The following GSK3B variants were observed in gnomAD, a reference collection of about 807,000 sequenced individuals.
The protein encoded by GSK3B is glycogen synthase kinase-3 beta.
In GSK3B, 15 loss-of-function variants were observed where a neutral mutation model predicts 56.4. The ratio of observed to expected loss-of-function variants is 0.27; its 90% CI spans 0.18 to 0.41. The LOEUF (loss-of-function observed/expected upper bound fraction) is 0.41, where lower values mean the gene tolerates loss of function less well. Ranked by LOEUF, GSK3B falls within the 10% of genes least tolerant of loss-of-function variation. The probability of loss-of-function intolerance (pLI) is 1.00; values close to 1 mark genes in which losing one functional copy is unlikely to be tolerated. For synonymous variants in GSK3B, 181 were observed against 188.9 expected, an observed-to-expected ratio of 0.96 and a Z score of 0.34; for missense variants, 300 against 513.4, an observed-to-expected ratio of 0.58 and a Z score of 4.02.
At chr3:119,882,341 G>T (rs562912458) in intron 7 of GSK3B, among the ~76,000 whole-genome samples, 10 of 152,088 alleles carry the variant, frequency 6.6e-5, no homozygotes, top group Admixed American at 5.2e-4. Context: ...TAAATTCACT[G>T]TCTCACAGCC....
intron 1 of GSK3B, among the ~76,000 whole-genome samples, chr3:120,076,544 G>A (rs535455647): frequency 3.9e-5 from 6 of 152,176 alleles, no homozygotes; most frequent in Admixed American, 1.3e-4. Flanking sequence ...GGCTGGGCGC[G>A]GTGGCTCACG....
chr3:120,062,386 G>A (rs933188825), intron 1 of GSK3B, among the ~76,000 whole-genome samples: 4 of 152,056 alleles, frequency 2.6e-5, no homozygotes, highest in African/African-American at 9.7e-5. Context: ...TCTGAACTTA[G>A]TATCTCCCAC....
At chr3:119,984,195 A>T (rs1484886084) in intron 2 of GSK3B, among the ~76,000 whole-genome samples, 1 of 152,216 alleles carries the variant, frequency 6.6e-6, no homozygotes, top group African/African-American at 2.4e-5. Context: ...TCTCTGGAAC[A>T]CATTTAAAGC....
intron 8 of GSK3B, among the ~76,000 whole-genome samples, chr3:119,874,288 C>G (rs1045479606): frequency 6.6e-6 from 1 of 151,936 alleles, no homozygotes; most frequent in Admixed American, 6.6e-5. Flanking sequence ...AGTACTAAAC[C>G]CTACATATAC....
chr3:119,995,362 G>A (rs770514508), intron 2 of GSK3B, among the ~76,000 whole-genome samples: 51 of 151,132 alleles, frequency 3.4e-4, no homozygotes, highest in Non-Finnish European at 6.6e-4. Flanking sequence ...ATATAGAGAG[G>A]AAGAAACTGC....
At chr3:120,093,162 G>A (rs868019761) in intron 1 of GSK3B, among the ~76,000 whole-genome samples, 185 bp downstream of exon 1, 48 of 152,206 alleles carry the variant, frequency 3.2e-4, no homozygotes, top group African/African-American at 1.1e-3. Context: ...CAAGGTTAAT[G>A]AGACCGGGGG....
chr3:119,863,686 T>C, intron 8 of GSK3B, 81 bp from the exon 9 acceptor site: 1 of 841,000 alleles, frequency 1.2e-6, no homozygotes, highest in Non-Finnish European at 1.9e-6. Context: ...AATGACTTAA[T>C]TCCCACCATG....
intron 2 of GSK3B, among the ~76,000 whole-genome samples, chr3:119,976,570 T>G (rs1226754810): frequency 1.3e-5 from 2 of 151,736 alleles, no homozygotes; most frequent in East Asian, 3.9e-4. Context: ...GGATAGGGAG[T>G]GACTGCTAAT....
In GSK3B at chr3:119,932,504, GT is replaced by G. The variant is rs199622255; in HGVS notation, c.367-9022del. On this transcript the variant is annotated intron_variant, in intron 3 of 10. Transcript: ENST00000264235. ...AAATAAACACCAAAATTACCAAAGG[GT>G]TTTTTTTTTTTTTTAGAAAAATAAT... 6.4e-3 allele frequency among the ~76,000 whole-genome samples: 896 copies of G among 139,308 alleles called. 4 individuals carry two copies. Among genetic ancestry groups the G allele is most frequent in the Middle Eastern group, 0.011 (3 of 268 alleles). 91.4% of individuals were successfully genotyped at this position (139,308 alleles called of 152,430 possible).
intron 2 of GSK3B, among the ~76,000 whole-genome samples, chr3:119,957,748 A>C (rs936954947): frequency 5.9e-5 from 9 of 152,200 alleles, no homozygotes; most frequent in African/African-American, 2.2e-4. Context: ...AGGCATAGAG[A>C]GGTTAAGAAA....
At chr3:119,969,736 T>G in intron 2 of GSK3B, among the ~76,000 whole-genome samples, 1 of 152,238 alleles carries the variant, frequency 6.6e-6, no homozygotes, top group East Asian at 1.9e-4. Flanking sequence ...GGAGAAAGGA[T>G]AGTCTTTTCA....
chr3:119,986,867 T>C (rs1471417029), intron 2 of GSK3B, among the ~76,000 whole-genome samples: 2 of 152,158 alleles, frequency 1.3e-5, no homozygotes, highest in African/African-American at 4.8e-5. Context: ...CATGCTACTA[T>C]AAAGACACAT....
intron 1 of GSK3B, among the ~76,000 whole-genome samples, chr3:120,072,015 A>C (rs992001272): frequency 6.6e-6 from 1 of 152,246 alleles, no homozygotes; most frequent in African/African-American, 2.4e-5. Context: ...AAAAGTTCAC[A>C]TATCAGGTTT....
intron 7 of GSK3B, among the ~76,000 whole-genome samples, chr3:119,881,676 C>T (rs76251163): frequency 0.015 from 2,310 of 152,208 alleles, 57 homozygotes; most frequent in African/African-American, 0.051. Context: ...CTTAAGCATT[C>T]GGCTAACTTT....
At chr3:119,997,792 T>C (rs887468020) in intron 2 of GSK3B, among the ~76,000 whole-genome samples, 1 of 152,164 alleles carries the variant, frequency 6.6e-6, no homozygotes, top group East Asian at 1.9e-4. Flanking sequence ...ATCCAATGTA[T>C]ATATGGTAAC....
intron 7 of GSK3B, among the ~76,000 whole-genome samples, chr3:119,884,793 T>C (rs1056390928): frequency 3.9e-5 from 6 of 152,220 alleles, no homozygotes; most frequent in South Asian, 4.1e-4. Flanking sequence ...AAAAGTTAAA[T>C]AGACTTTTTG....
At chr3:119,888,170 GT>G (rs1445432837) in intron 7 of GSK3B, among the ~76,000 whole-genome samples, 1 of 152,102 alleles carries the variant, frequency 6.6e-6, no homozygotes, top group Non-Finnish European at 1.5e-5. Flanking sequence ...TAAATATGTG[GT>G]TAAATGTATG....
rs1559881737 is a variant in GSK3B, at chr3:120,026,554, A to ACACACACACAAAC, written c.89-24316_89-24315insGTTTGTGTGTGTG. ...ACACACACACACACACACACACACA[A>ACACACACACAAAC]ACACACACACACTCTTTTTTTTTTT... On this transcript the variant is annotated intron_variant, in intron 1 of 10. Coordinates refer to ENST00000264235, the MANE Select transcript of GSK3B (RefSeq NM_001146156.2). Among the ~76,000 whole-genome samples, 29 of 64,410 alleles carry ACACACACACAAAC rather than the reference A, an allele frequency of 4.5e-4. No homozygotes were observed. The East Asian group carries it at 9.2e-3, about 20-fold the overall frequency. 42.3% of individuals were successfully genotyped at this position (64,410 alleles called of 152,430 possible). A position where few individuals can be genotyped will look rare whatever the true frequency, so the allele number is the denominator to read the frequency against.
intron 1 of GSK3B, among the ~76,000 whole-genome samples, chr3:120,025,704 A>G (rs1267266234): frequency 6.6e-6 from 1 of 152,198 alleles, no homozygotes; most frequent in Non-Finnish European, 1.5e-5. Context: ...GATAAAAAAG[A>G]GTCTACCAGG....
Sources: gnomAD v4.1 joint callset for allele counts (sites outside exome capture counted in the v4.1 genomes callset) on GRCh38, gnomAD v4.1.1 for gene constraint, MANE v1.5 for transcripts, NCBI Gene and HGNC (gene_info 2026-07-23, HGNC 2026-07-21) for gene names.